Variants in AHCYL2 observed in about 807,000 individuals in gnomAD.
AHCYL2 encodes S-adenosylhomocysteine hydrolase-like protein 2.
In AHCYL2, 28 loss-of-function variants were observed where a neutral mutation model predicts 81.4. That is an observed-to-expected ratio of 0.34 (90% CI 0.25 to 0.47). The LOEUF (loss-of-function observed/expected upper bound fraction) is 0.47. Ranked by LOEUF, AHCYL2 falls within the 20% of genes least tolerant of loss-of-function variation. The pLI, the probability that AHCYL2 is intolerant of heterozygous loss-of-function variation, is 1.00. For synonymous variants in AHCYL2, 272 were observed against 290.2 expected, an observed-to-expected ratio of 0.94 and a Z score of 0.64; for missense variants, 551 against 785.1, an observed-to-expected ratio of 0.70 and a Z score of 3.56.
Position 129,366,208 on chromosome 7 carries a change from T to C in AHCYL2, c.364-13430T>C, listed in dbSNP as rs113144454. Among the ~76,000 whole-genome samples the C allele has an allele frequency of 5.9e-3, 903 of 152,280 alleles. 11 individuals are homozygous for C. Among genetic ancestry groups the C allele is most frequent in the African/African-American group, 0.021 (870 of 41,558 alleles). On this transcript the variant is annotated intron_variant, in intron 1 of 16. Transcript: ENST00000325006. ...TTACTTCTACCTCTGCTGTTCTTAT[T>C]TCGCCTGCTCTCCACCCTCCCTGTG...
chr7:129,265,955 T>A (rs1166269464), intron 1 of AHCYL2, among the ~76,000 whole-genome samples: 2 of 152,100 alleles, frequency 1.3e-5, no homozygotes, highest in Non-Finnish European at 2.9e-5. Context: ...ATTTGATGAG[T>A]GTTTGAAAGA....
intron 1 of AHCYL2, among the ~76,000 whole-genome samples, chr7:129,255,505 T>TG (rs1795384289): frequency 6.6e-6 from 1 of 152,224 alleles, no homozygotes; most frequent in Non-Finnish European, 1.5e-5. Context: ...TTGGACAGTG[T>TG]GGGTCGAAAG....
intron 2 of AHCYL2, among the ~76,000 whole-genome samples, chr7:129,386,039 T>C (rs768634759): frequency 5.9e-5 from 9 of 152,228 alleles, no homozygotes; most frequent in Non-Finnish European, 8.8e-5. Context: ...AGCAATAACC[T>C]TTCCACTGTG....
At chr7:129,317,509 A>G (rs1017174987) in intron 1 of AHCYL2, among the ~76,000 whole-genome samples, 4 of 152,244 alleles carry the variant, frequency 2.6e-5, no homozygotes, top group Non-Finnish European at 5.9e-5. Context: ...GAAATCTTGC[A>G]GACCACAGCA....
intron 7 of AHCYL2, among the ~76,000 whole-genome samples, chr7:129,404,887 G>A (rs955053753): frequency 6.6e-6 from 1 of 152,098 alleles, no homozygotes; most frequent in Non-Finnish European, 1.5e-5. Flanking sequence ...TCCCCCACAT[G>A]ACTTTTGAAT....
intron 1 of AHCYL2, among the ~76,000 whole-genome samples, chr7:129,275,402 C>CAAAAAATA (rs1231750055): frequency 6.6e-6 from 1 of 150,994 alleles, no homozygotes; most frequent in East Asian, 1.9e-4. Flanking sequence ...ACCTTGTCTC[C>CAAAAAATA]AAAAAATAAA....
At chr7:129,384,854 T>G (rs1220853683) in intron 2 of AHCYL2, among the ~76,000 whole-genome samples, 3 of 152,232 alleles carry the variant, frequency 2.0e-5, no homozygotes, top group African/African-American at 7.2e-5. Flanking sequence ...CAATGGATGC[T>G]TCAAGGCATT....
At chr7:129,405,708 A>G (rs1796272698) in intron 8 of AHCYL2, 128 bp from the exon 9 acceptor site, 1 of 802,898 alleles carries the variant, frequency 1.2e-6, no homozygotes, top group African/African-American at 1.7e-5. Context: ...TAAAAAAATA[A>G]AGAAACCAGA....
chr7:129,367,739 T>C (rs1794178124), intron 1 of AHCYL2, among the ~76,000 whole-genome samples: 2 of 152,320 alleles, frequency 1.3e-5, no homozygotes, highest in Admixed American at 6.5e-5. Context: ...CCTGAGGCCT[T>C]CGTGTATGTA....
intron 1 of AHCYL2, among the ~76,000 whole-genome samples, chr7:129,328,133 CATT>C (rs1798291033): frequency 6.6e-6 from 1 of 152,122 alleles, no homozygotes; most frequent in African/African-American, 2.4e-5. Flanking sequence ...GAAACTATCA[CATT>C]ATTCCCTTTG....
At chr7:129,319,210 C>T (rs1351893741) in intron 1 of AHCYL2, among the ~76,000 whole-genome samples, 2 of 152,080 alleles carry the variant, frequency 1.3e-5, no homozygotes, top group Non-Finnish European at 2.9e-5. Context: ...AATCCCAGCA[C>T]TTTGGGAGGC....
At chr7:129,416,103 CTTTGT>C (rs985495050) in intron 12 of AHCYL2, among the ~76,000 whole-genome samples, 10 of 151,918 alleles carry the variant, frequency 6.6e-5, no homozygotes, top group African/African-American at 2.4e-4. Flanking sequence ...GTCTAGTTTT[CTTTGT>C]TTTGTTTTCC....
intron 1 of AHCYL2, among the ~76,000 whole-genome samples, chr7:129,282,106 A>G (rs1796466508): frequency 1.3e-5 from 2 of 152,142 alleles, no homozygotes; most frequent in Admixed American, 1.3e-4. Flanking sequence ...GTATGACTCT[A>G]ATTCTTTTAT....
chr7:129,378,140 C>T (rs1374897718), intron 1 of AHCYL2, among the ~76,000 whole-genome samples: 2 of 151,912 alleles, frequency 1.3e-5, no homozygotes, highest in East Asian at 3.9e-4. Context: ...GGTGAAACCC[C>T]GTCTCTACTA....
At chr7:129,404,919 T>C (rs1280188303) in intron 7 of AHCYL2, among the ~76,000 whole-genome samples, 178 bp from the exon 8 acceptor site, 1 of 152,182 alleles carries the variant, frequency 6.6e-6, no homozygotes, top group Non-Finnish European at 1.5e-5. Context: ...TGTGAAGCTA[T>C]ATATGCAGGC....
At chr7:129,272,357 T>C (rs1796050258) in intron 1 of AHCYL2, among the ~76,000 whole-genome samples, 1 of 152,248 alleles carries the variant, frequency 6.6e-6, no homozygotes, top group Non-Finnish European at 1.5e-5. Context: ...GTTCCTGCTA[T>C]ACTCTGTCTG....
intron 12 of AHCYL2, among the ~76,000 whole-genome samples, chr7:129,420,496 T>C (rs1797062669): frequency 6.6e-6 from 1 of 150,490 alleles, no homozygotes; most frequent in South Asian, 2.1e-4. Flanking sequence ...TTTTTTTTTT[T>C]GAGACAAGAT....
At chr7:129,233,039 G>GA (rs1471202485) in intron 1 of AHCYL2, among the ~76,000 whole-genome samples, 3 of 152,280 alleles carry the variant, frequency 2.0e-5, no homozygotes, top group South Asian at 2.1e-4. Context: ...AGTTGCTAGA[G>GA]AAAATCAGCA....
intron 1 of AHCYL2, among the ~76,000 whole-genome samples, chr7:129,379,298 T>C (rs1457648428): frequency 6.9e-6 from 1 of 144,044 alleles, no homozygotes; most frequent in Non-Finnish European, 1.5e-5. Context: ...AAAAAAAAAG[T>C]GTATCAAAGA....
Sources: gnomAD v4.1 joint callset for allele counts (sites outside exome capture counted in the v4.1 genomes callset) on GRCh38, gnomAD v4.1.1 for gene constraint, MANE v1.5 for transcripts, NCBI Gene and HGNC (gene_info 2026-07-23, HGNC 2026-07-21) for gene names.